FNIP1: variants seen among roughly 807,000 people sequenced by gnomAD.
FNIP1 encodes folliculin interacting protein 1.
A neutral mutation model predicts 124.5 loss-of-function variants in FNIP1; 40 were observed. The observed-to-expected ratio is 0.32, with a 90% confidence interval of 0.25 to 0.42. The LOEUF (loss-of-function observed/expected upper bound fraction) is 0.42. FNIP1 is among the 10% of genes least tolerant of loss of function. The pLI is 1.00. For synonymous variants in FNIP1, 472 were observed against 470.6 expected (o/e 1.00, Z -0.04); for missense variants, 1,176 against 1,403.7 (o/e 0.84, Z 2.59).
intron 1 of FNIP1, among the ~76,000 whole-genome samples, chr5:131,780,205 T>G (rs1184459973): frequency 6.6e-6 from 1 of 152,186 alleles, no homozygotes; most frequent in African/African-American, 2.4e-5. Context: ...ATGTAGAGAC[T>G]TCAATAAATA....
At chr5:131,772,473 G>C (rs1213085615) in intron 1 of FNIP1, among the ~76,000 whole-genome samples, 1 of 151,038 alleles carries the variant, frequency 6.6e-6, no homozygotes, top group Non-Finnish European at 1.5e-5. Flanking sequence ...GATCTAAAGG[G>C]TAAAATTTCA....
At chr5:131,748,310 G>GC (rs1770751150) in intron 1 of FNIP1, among the ~76,000 whole-genome samples, 1 of 152,134 alleles carries the variant, frequency 6.6e-6, no homozygotes, top group Non-Finnish European at 1.5e-5. Flanking sequence ...CATGTCTGTG[G>GC]TGATGCTCAT....
At chr5:131,661,218 T>TG (rs879888252) in intron 15 of FNIP1, among the ~76,000 whole-genome samples, 2 of 10,952 alleles carry the variant, frequency 1.8e-4, no homozygotes, top group Non-Finnish European at 6.7e-4. Flanking sequence ...CTTGTCTTTG[T>TG]TTTGTGTGTG....
Position 131,719,300 on chromosome 5 carries a change from A to T in FNIP1, c.455+17T>A. Reference sequence around the variant, plus strand: ...TAAAAATGGGACTCGTTAAAAAAAAATCAGAAAACCTCTCACCGAATCTGA... The same window carrying T: ...TAAAAATGGGACTCGTTAAAAAAAATTCAGAAAACCTCTCACCGAATCTGA... On this transcript the variant is annotated intron_variant, in intron 4 of 17. Coordinates refer to ENST00000510461, the MANE Select transcript of FNIP1 (RefSeq NM_133372.3). 6.3e-7 allele frequency: 1 copy of T among 1,581,504 alleles called. No homozygotes were observed. The highest frequency in any genetic ancestry group is 1.7e-4 in the Middle Eastern group (1 of 5,872).
At position 131,737,450 on chromosome 5, in the gene FNIP1, A is replaced by G. The variant is rs549813879; in HGVS notation, c.220-6412T>C. 2.6e-5 allele frequency among the ~76,000 whole-genome samples: 4 copies of G among 152,312 alleles called. No individual in the cohort carries two copies. The East Asian group carries it at 7.7e-4, about 29-fold the overall frequency. On this transcript the variant is annotated intron_variant, in intron 2 of 17. Coordinates refer to ENST00000510461, the MANE Select transcript of FNIP1 (RefSeq NM_133372.3). ...CTTTTGTTTCAGAGATTGGACATAC[A>G]GGGTTACCTCAGCCTGGAATGTCTT...
intron 8 of FNIP1, among the ~76,000 whole-genome samples, chr5:131,708,898 G>GTT (rs11419190): frequency 7.4e-5 from 11 of 148,584 alleles, no homozygotes; most frequent in African/African-American, 2.0e-4. Flanking sequence ...AAGCAAACGT[G>GTT]TTTTTTTTTT....
chr5:131,778,189 C>T (rs1158345950), intron 1 of FNIP1, among the ~76,000 whole-genome samples: 1 of 151,938 alleles, frequency 6.6e-6, no homozygotes, highest in Non-Finnish European at 1.5e-5. Context: ...CAAGACCCCC[C>T]TCTCAAAAAC....
intron 15 of FNIP1, among the ~76,000 whole-genome samples, chr5:131,657,499 A>G (rs547500279): frequency 4.2e-4 from 64 of 152,210 alleles, no homozygotes; most frequent in African/African-American, 1.5e-3. Context: ...ACCATTAAAC[A>G]CAATATTCTA....
At chr5:131,679,688 T>C (rs1194996376) in intron 11 of FNIP1, among the ~76,000 whole-genome samples, 2 of 152,202 alleles carry the variant, frequency 1.3e-5, no homozygotes, top group Non-Finnish European at 2.9e-5. Context: ...ACAGTATACA[T>C]ACATGCTACA....
At position 131,709,265 on chromosome 5, in the gene FNIP1, G is replaced by A. The variant is rs745426708; in HGVS notation, c.714C>T (p.Ser238=). Residue 238 remains serine, a synonymous_variant, in exon 8 of 18, where the codon AGC becomes AGT. Coordinates refer to ENST00000510461, the MANE Select transcript of FNIP1 (RefSeq NM_133372.3). ...IRSASFFAVH[S]NPMDMPGREL... Reference sequence around the variant, plus strand: ...CTCTTCCAGGCATGTCCATTGGGTTGCTGTGAACTATAAATAAAGATGAAA... The same window carrying A: ...CTCTTCCAGGCATGTCCATTGGGTTACTGTGAACTATAAATAAAGATGAAA... 3.1e-6 allele frequency: 5 copies of A among 1,613,642 alleles called. No individual in the cohort carries two copies. In the South Asian group the frequency reaches 4.4e-5, roughly 14 times the overall value.
rs1169567037 is a variant in FNIP1, at chr5:131,672,303, G to A, written c.2141C>T (p.Ser714Leu). The A allele has an allele frequency of 2.5e-6, 4 of 1,614,128 alleles. No individual in the cohort carries two copies. The highest frequency in any genetic ancestry group is 3.4e-6 in the Non-Finnish European group (4 of 1,180,026). ...ETWQSEKLLD[S>L]DSHTGKAMRS... ...CATTGCTTTGCCTGTGTGACTGTCTGAATCCAGCAACTTCTCACTCTGCCA... is the reference window on the plus strand; with the variant it reads ...CATTGCTTTGCCTGTGTGACTGTCTAAATCCAGCAACTTCTCACTCTGCCA... The change falls in exon 14 of 18, where the codon TCA becomes TTA. Residue 714 changes from serine (S) to leucine (L), a missense_variant. By Grantham distance (145) the Ser-to-Leu change is moderately radical. Coordinates refer to ENST00000510461, the MANE Select transcript of FNIP1 (RefSeq NM_133372.3).
chr5:131,737,056 G>A lies in FNIP1; in HGVS notation c.220-6018C>T, dbSNP rs150629139. Among the ~76,000 whole-genome samples, 595 of 152,216 alleles carry A rather than the reference G, an allele frequency of 3.9e-3. 5 individuals carry two copies. The highest frequency in any genetic ancestry group is 0.014 in the African/African-American group (566 of 41,524). ...ATTTATAACTTTTTTTGCATAATTC[G>A]AAGGTATTTGTTTTTGTGGGCTAGA... On this transcript the variant is annotated intron_variant, in intron 2 of 17. Transcript: ENST00000510461.
intron 6 of FNIP1, among the ~76,000 whole-genome samples, chr5:131,711,160 A>G (rs941349476): frequency 2.2e-4 from 34 of 152,344 alleles, no homozygotes; most frequent in Non-Finnish European, 1.8e-4. Context: ...CTTACTGACA[A>G]ATTAAAAATT....
intron 2 of FNIP1, among the ~76,000 whole-genome samples, chr5:131,739,027 A>T (rs1770416368): frequency 6.6e-6 from 1 of 151,740 alleles, no homozygotes; most frequent in Non-Finnish European, 1.5e-5. Context: ...TGTTGGCCAG[A>T]CTGGTCTCAA....
chr5:131,741,725 C>T (rs1406737442), intron 2 of FNIP1, among the ~76,000 whole-genome samples: 3 of 152,186 alleles, frequency 2.0e-5, no homozygotes, highest in Admixed American at 6.5e-5. Context: ...GTGTCTTACA[C>T]ATTTAAAAGG....
intron 1 of FNIP1, among the ~76,000 whole-genome samples, chr5:131,766,418 G>A (rs145676120): frequency 2.6e-5 from 4 of 152,124 alleles, no homozygotes; most frequent in East Asian, 1.9e-4. Flanking sequence ...AAATTTCCCC[G>A]GTCCCAATCT....
chr5:131,729,751 T>C (rs1191385172), intron 3 of FNIP1, among the ~76,000 whole-genome samples: 1 of 151,944 alleles, frequency 6.6e-6, no homozygotes, highest in Non-Finnish European at 1.5e-5. Context: ...CTAATTTTTT[T>C]TTTCTTTTTT....
intron 11 of FNIP1, among the ~76,000 whole-genome samples, chr5:131,688,318 A>T (rs1017273132): frequency 6.6e-6 from 1 of 151,666 alleles, no homozygotes; most frequent in Non-Finnish European, 1.5e-5. Flanking sequence ...ACTATGGGAA[A>T]GTGAGGCTTC....
At chr5:131,664,058 T>C (rs1397408830) in intron 15 of FNIP1, among the ~76,000 whole-genome samples, 1 of 152,154 alleles carries the variant, frequency 6.6e-6, no homozygotes, top group Non-Finnish European at 1.5e-5. Flanking sequence ...GAAGGGTTGA[T>C]CTCATAAAGG....
Sources: gnomAD v4.1 joint callset for allele counts (sites outside exome capture counted in the v4.1 genomes callset) on GRCh38, gnomAD v4.1.1 for gene constraint, MANE v1.5 for transcripts, NCBI Gene and HGNC (gene_info 2026-07-23, HGNC 2026-07-21) for gene names.